SLC4A4: variants seen among roughly 807,000 people sequenced by gnomAD.
SLC4A4 encodes solute carrier family 4 member 4.
Under a neutral mutation model 111.5 loss-of-function variants are expected in SLC4A4, and 27 were observed. That is an observed-to-expected ratio of 0.24 (90% CI 0.18 to 0.33). SLC4A4 has a LOEUF of 0.33. SLC4A4 is among the 10% of genes least tolerant of loss of function. The pLI, the probability that SLC4A4 is intolerant of heterozygous loss-of-function variation, is 1.00. For missense variants in SLC4A4, 909 were observed against 1,315.5 expected (o/e 0.69, Z 4.78); for synonymous variants, 443 against 463.4 (o/e 0.96, Z 0.57).
chr4:71,086,582 A>G (rs1010324690), intron 1 of SLC4A4, among the ~76,000 whole-genome samples: 3 of 152,150 alleles, frequency 2.0e-5, no homozygotes, highest in African/African-American at 7.2e-5. Flanking sequence ...ATGTCCCATC[A>G]ATACCTAATT....
At chr4:71,131,684 A>G (rs1031957134) in intron 2 of SLC4A4, among the ~76,000 whole-genome samples, 4 of 152,234 alleles carry the variant, frequency 2.6e-5, no homozygotes, top group African/African-American at 9.6e-5. Context: ...TCATGATGCC[A>G]GATTGTGATC....
chr4:71,109,828 C>T (rs931607987), intron 2 of SLC4A4, among the ~76,000 whole-genome samples: 9 of 152,124 alleles, frequency 5.9e-5, no homozygotes, highest in South Asian at 4.1e-4. Flanking sequence ...TAGACATGAG[C>T]CACCACACCC....
At position 71,491,313 on chromosome 4, in the gene SLC4A4, A is replaced by G. The variant is rs374617216; in HGVS notation, c.1974+4295A>G. 1.0e-3 allele frequency among the ~76,000 whole-genome samples: 155 copies of G among 152,022 alleles called. 4 individuals are homozygous for G. The South Asian group carries it at 0.032, about 31-fold the overall frequency. On this transcript the variant is annotated intron_variant, in intron 15 of 25. Transcript: ENST00000264485. ...GGTATCACTCTCATTTATATTTTTA[A>G]AAGCACATATTTTATCAGTCAGTAC...
intron 16 of SLC4A4, among the ~76,000 whole-genome samples, chr4:71,515,115 C>T (rs1732263210): frequency 1.3e-5 from 2 of 151,820 alleles, no homozygotes; most frequent in Admixed American, 1.3e-4. Context: ...TTATTTATTA[C>T]TGTAAACTTC....
intron 2 of SLC4A4, among the ~76,000 whole-genome samples, chr4:71,125,942 T>G (rs1743551116): frequency 6.6e-6 from 1 of 152,194 alleles, no homozygotes; most frequent in African/African-American, 2.4e-5. Flanking sequence ...GTAGCAATAT[T>G]CTTATAAATC....
intron 2 of SLC4A4, among the ~76,000 whole-genome samples, chr4:71,107,160 G>GT (rs113076641): frequency 0.027 from 4,054 of 152,030 alleles, 177 homozygotes; most frequent in African/African-American, 0.082. Flanking sequence ...ATAGCATATA[G>GT]TTAGATCATG....
chr4:71,307,805 AG>A (rs1725812979), intron 3 of SLC4A4, among the ~76,000 whole-genome samples: 2 of 152,190 alleles, frequency 1.3e-5, no homozygotes, highest in African/African-American at 4.8e-5. Context: ...AGTATTCTCA[AG>A]GTGTGTGGAA....
At chr4:71,125,503 T>A (rs1477500079) in intron 2 of SLC4A4, among the ~76,000 whole-genome samples, 2 of 152,182 alleles carry the variant, frequency 1.3e-5, no homozygotes, top group Non-Finnish European at 2.9e-5. Context: ...GAGATTGCAG[T>A]GAGCTGAGAT....
chr4:71,419,683 G>A (rs1048137589), intron 7 of SLC4A4, among the ~76,000 whole-genome samples: 1 of 152,220 alleles, frequency 6.6e-6, no homozygotes, highest in Non-Finnish European at 1.5e-5. Context: ...TTCGGCTCGT[G>A]CACGGTGCGC....
At chr4:71,158,501 C>A (rs1358139822) in intron 2 of SLC4A4, among the ~76,000 whole-genome samples, 3 of 152,114 alleles carry the variant, frequency 2.0e-5, no homozygotes, top group African/African-American at 7.2e-5. Flanking sequence ...GTTTTAAATA[C>A]CCCCCAAATT....
chr4:71,214,282 C>A (rs1718297827), intron 1 of SLC4A4, among the ~76,000 whole-genome samples: 1 of 152,036 alleles, frequency 6.6e-6, no homozygotes, highest in Non-Finnish European at 1.5e-5. Context: ...GGCTAATGGC[C>A]CTGTAGGGAG....
intron 4 of SLC4A4, among the ~76,000 whole-genome samples, chr4:71,348,705 G>A (rs941542894): frequency 1.4e-4 from 22 of 152,070 alleles, no homozygotes; most frequent in African/African-American, 5.3e-4. Flanking sequence ...CTTTGACATT[G>A]TGGGCTGATC....
At chr4:71,084,405 A>C (rs760161462) in intron 1 of SLC4A4, among the ~76,000 whole-genome samples, 10 of 151,876 alleles carry the variant, frequency 6.6e-5, no homozygotes, top group South Asian at 6.2e-4. Context: ...ATTGTATTTT[A>C]TTTTCTTTTT....
chr4:71,128,310 AC>A (rs1406357410), intron 2 of SLC4A4, among the ~76,000 whole-genome samples: 1 of 151,972 alleles, frequency 6.6e-6, no homozygotes, highest in African/African-American at 2.4e-5. Context: ...ATCTCGTGAG[AC>A]CCATTCACAA....
intron 7 of SLC4A4, among the ~76,000 whole-genome samples, chr4:71,432,929 A>G (rs1351827109): frequency 1.3e-5 from 2 of 152,090 alleles, no homozygotes; most frequent in African/African-American, 4.8e-5. Flanking sequence ...GTTCACTGGT[A>G]CTTTTGATTT....
intron 4 of SLC4A4, among the ~76,000 whole-genome samples, chr4:71,348,798 C>A (rs902964951): frequency 6.6e-6 from 1 of 152,062 alleles, no homozygotes; most frequent in Non-Finnish European, 1.5e-5. Context: ...ATAAATAATA[C>A]CCTATGTAGA....
At chr4:71,461,877 A>G (rs1214625761) in intron 12 of SLC4A4, among the ~76,000 whole-genome samples, 1 of 152,120 alleles carries the variant, frequency 6.6e-6, no homozygotes, top group African/African-American at 2.4e-5. Flanking sequence ...TATTTTGTTT[A>G]TTATCATTGA....
intron 7 of SLC4A4, among the ~76,000 whole-genome samples, chr4:71,399,188 T>C (rs1051496048): frequency 6.6e-6 from 1 of 152,206 alleles, no homozygotes; most frequent in Non-Finnish European, 1.5e-5. Flanking sequence ...TGTTATCTGA[T>C]GGAGGTTGTG....
At chr4:71,131,291 G>A (rs549545612) in intron 2 of SLC4A4, among the ~76,000 whole-genome samples, 38 of 152,138 alleles carry the variant, frequency 2.5e-4, no homozygotes, top group African/African-American at 8.2e-4. Context: ...GTGCACTTTC[G>A]CCGTCCCTCT....
Sources: allele counts gnomAD v4.1 joint callset (sites outside exome capture counted in the v4.1 genomes callset), GRCh38; gene constraint gnomAD v4.1.1; transcripts MANE v1.5; gene names NCBI Gene and HGNC (gene_info 2026-07-23, HGNC 2026-07-21).